Variants in RHOJ observed in about 807,000 individuals in gnomAD.
The protein encoded by RHOJ is rho-related GTP-binding protein RhoJ.
A neutral mutation model predicts 23.4 loss-of-function variants in RHOJ; 11 were observed. The observed-to-expected ratio is 0.47, with a 90% CI of 0.30 to 0.78. The LOEUF (loss-of-function observed/expected upper bound fraction) is 0.78. Among genes scored for constraint, RHOJ ranks in the 30% least tolerant of loss-of-function variants. The probability of loss-of-function intolerance (pLI) is 0.08; values close to 1 mark genes in which losing one functional copy is unlikely to be tolerated. For synonymous variants in RHOJ, 102 were observed against 102.7 expected, an observed-to-expected ratio of 0.99 and a Z score of 0.04; for missense variants, 254 against 273.4, an observed-to-expected ratio of 0.93 and a Z score of 0.50.
intron 1 of RHOJ, among the ~76,000 whole-genome samples, chr14:63,266,700 G>A (rs547733186): frequency 2.0e-5 from 3 of 152,282 alleles, no homozygotes; most frequent in Non-Finnish European, 4.4e-5. Flanking sequence ...TTGTCTCTCA[G>A]CCTGAATGTT....
intron 2 of RHOJ, among the ~76,000 whole-genome samples, chr14:63,271,647 C>T (rs561611668): frequency 9.2e-5 from 14 of 152,300 alleles, no homozygotes; most frequent in South Asian, 2.1e-4. Context: ...CAGGCTAGAG[C>T]GCAGTGGCGC....
At chr14:63,217,898 T>C (rs925644498) in intron 1 of RHOJ, among the ~76,000 whole-genome samples, 1 of 152,224 alleles carries the variant, frequency 6.6e-6, no homozygotes, top group Admixed American at 6.5e-5. Context: ...AATAGATATC[T>C]TGTCGACACG....
At chr14:63,206,166 C>G (rs1894104927) in intron 1 of RHOJ, among the ~76,000 whole-genome samples, 1 of 152,198 alleles carries the variant, frequency 6.6e-6, no homozygotes, top group Non-Finnish European at 1.5e-5. Context: ...TCACCTAAGT[C>G]ACTGCTTCCC....
chr14:63,229,695 C>T (rs1894655665), intron 1 of RHOJ, among the ~76,000 whole-genome samples: 1 of 152,196 alleles, frequency 6.6e-6, no homozygotes, highest in Admixed American at 6.5e-5. Flanking sequence ...ATTTTCCCTT[C>T]TGCTACCAGC....
chr14:63,273,491 T>G (rs1594774699), intron 2 of RHOJ, among the ~76,000 whole-genome samples: 1 of 152,200 alleles, frequency 6.6e-6, no homozygotes, highest in East Asian at 1.9e-4. Context: ...AGAGACCAAG[T>G]GGACAGCAGG....
chr14:63,283,323 G>T, intron 4 of RHOJ, 107 bp downstream of exon 4: 1 of 891,328 alleles, frequency 1.1e-6, no homozygotes, highest in Non-Finnish European at 1.8e-6. Flanking sequence ...AGTGCAATGT[G>T]TTTAGAATCT....
chr14:63,213,120 A>G (rs1335513354), intron 1 of RHOJ, among the ~76,000 whole-genome samples: 1 of 152,176 alleles, frequency 6.6e-6, no homozygotes, highest in East Asian at 1.9e-4. Context: ...TTAGAATCCT[A>G]TTTTCTTACA....
chr14:63,271,868 G>A (rs1325098712), intron 2 of RHOJ, among the ~76,000 whole-genome samples: 3 of 152,200 alleles, frequency 2.0e-5, no homozygotes, highest in African/African-American at 4.8e-5. Flanking sequence ...AAAGTGCTGG[G>A]ATTACAGATG....
intron 1 of RHOJ, among the ~76,000 whole-genome samples, chr14:63,258,815 T>C (rs1895224573): frequency 6.6e-6 from 1 of 152,254 alleles, no homozygotes; most frequent in Non-Finnish European, 1.5e-5. Flanking sequence ...TGTCTTTATC[T>C]TTCAGGTGAG....
At chr14:63,287,650 A>G (rs1489548881) in intron 4 of RHOJ, among the ~76,000 whole-genome samples, 1 of 151,674 alleles carries the variant, frequency 6.6e-6, no homozygotes, top group Non-Finnish European at 1.5e-5. Context: ...ATCGCTGATA[A>G]ATGTCCCTGC....
chr14:63,287,822 C>T (rs569523862), intron 4 of RHOJ, among the ~76,000 whole-genome samples: 134 of 152,258 alleles, frequency 8.8e-4, no homozygotes, highest in Non-Finnish European at 1.6e-3. Context: ...AATCCTGAAC[C>T]CTCCCAGATG....
Position 63,283,195 on chromosome 14 carries a change from T to C in RHOJ, c.477T>C (p.His159=). 6.2e-6 allele frequency: 10 copies of C among 1,613,972 alleles called. No individual in the cohort carries two copies. The highest frequency in any genetic ancestry group is 8.5e-6 in the Non-Finnish European group (10 of 1,179,862). The change falls in exon 4 of 5, where the codon CAT becomes CAC. Residue 159 remains histidine, a synonymous_variant. Transcript: ENST00000316754. ...YMKEKPLTYE[H]GVKLAKAIGA... is the part of the protein sequence containing the mutation. ...AAGAGAAACCTCTCACTTACGAGCA[T>C]GGTGTGAAGCTCGCAAAAGCGGTAC...
At chr14:63,288,363 C>T in intron 4 of RHOJ, 1 of 983,982 alleles carries the variant, frequency 1.0e-6, no homozygotes, top group Non-Finnish European at 1.2e-6. Flanking sequence ...CAGGCAGAAT[C>T]AATCCTAGGC....
At chr14:63,215,702 A>G (rs1292850076) in intron 1 of RHOJ, among the ~76,000 whole-genome samples, 4 of 152,004 alleles carry the variant, frequency 2.6e-5, no homozygotes, top group African/African-American at 9.7e-5. Context: ...AAGGGGGCCC[A>G]CTCTGATTAA....
intron 1 of RHOJ, among the ~76,000 whole-genome samples, chr14:63,212,851 C>A (rs560074472): frequency 6.6e-6 from 1 of 152,150 alleles, no homozygotes; most frequent in African/African-American, 2.4e-5. Flanking sequence ...TGTCATTTTC[C>A]GGTCTCTTCA....
At chr14:63,285,411 TC>T (rs983957201) in intron 4 of RHOJ, among the ~76,000 whole-genome samples, 1 of 152,060 alleles carries the variant, frequency 6.6e-6, no homozygotes, top group Admixed American at 6.6e-5. Flanking sequence ...TGTGCAAAGT[TC>T]CCCCCCAACT....
intron 1 of RHOJ, among the ~76,000 whole-genome samples, chr14:63,254,036 G>A (rs1455261565): frequency 6.6e-6 from 1 of 152,172 alleles, no homozygotes; most frequent in African/African-American, 2.4e-5. Flanking sequence ...GGTAGAGCCA[G>A]CCGCTTGTGG....
intron 1 of RHOJ, among the ~76,000 whole-genome samples, chr14:63,231,467 G>T (rs955852672): frequency 3.9e-5 from 6 of 152,220 alleles, no homozygotes; most frequent in African/African-American, 1.4e-4. Context: ...CATGGGCAAA[G>T]AACTAGTCAT....
intron 1 of RHOJ, among the ~76,000 whole-genome samples, chr14:63,209,069 C>T (rs931633193): frequency 6.6e-6 from 1 of 152,146 alleles, no homozygotes; most frequent in African/African-American, 2.4e-5. Flanking sequence ...TCCCTTCCTC[C>T]TACCAATCAG....
Sources: gnomAD v4.1 joint callset for allele counts (sites outside exome capture counted in the v4.1 genomes callset) on GRCh38, gnomAD v4.1.1 for gene constraint, MANE v1.5 for transcripts, NCBI Gene and HGNC (gene_info 2026-07-23, HGNC 2026-07-21) for gene names.